PTPRT: variants seen among roughly 807,000 people sequenced by gnomAD.
PTPRT encodes the protein receptor-type tyrosine-protein phosphatase T.
PTPRT carries 56 observed loss-of-function variants against 176.8 expected under a neutral mutation model. That is an observed-to-expected ratio of 0.32 (90% CI 0.26 to 0.40). The LOEUF (loss-of-function observed/expected upper bound fraction) is 0.40, where lower values mean the gene tolerates loss of function less well. Ranked by LOEUF, PTPRT falls within the 10% of genes least tolerant of loss-of-function variation. The pLI is 1.00. For synonymous variants in PTPRT, 783 were observed against 739.0 expected (o/e 1.06, Z -0.96); for missense variants, 1,540 against 1,908.2 (o/e 0.81, Z 3.60).
chr20:43,154,932 C>T (rs541642047), intron 1 of PTPRT, among the ~76,000 whole-genome samples: 4 of 152,038 alleles, frequency 2.6e-5, no homozygotes, highest in Non-Finnish European at 5.9e-5. Context: ...TACAAATGGC[C>T]AACGGGTATA....
chr20:42,588,687 A>G (rs2145748866), intron 7 of PTPRT, among the ~76,000 whole-genome samples: 1 of 152,334 alleles, frequency 6.6e-6, no homozygotes, highest in East Asian at 1.9e-4. Context: ...TTTTAAAAAT[A>G]TAGCTACTAG....
At chr20:42,242,105 A>C (rs983889436) in intron 14 of PTPRT, among the ~76,000 whole-genome samples, 5 of 152,198 alleles carry the variant, frequency 3.3e-5, no homozygotes, top group African/African-American at 1.2e-4. Flanking sequence ...TTGTCTACCC[A>C]GAAACAAAAC....
intron 7 of PTPRT, among the ~76,000 whole-genome samples, chr20:42,528,488 A>G (rs567917374): frequency 6.6e-6 from 1 of 152,172 alleles, no homozygotes; most frequent in Non-Finnish European, 1.5e-5. Context: ...TCAATATTTC[A>G]TGTTAAAGAC....
Position 42,397,209 on chromosome 20 carries a change from C to A in PTPRT, c.1561-44924G>T, listed in dbSNP as rs1435850799. 2.6e-5 allele frequency among the ~76,000 whole-genome samples: 4 copies of A among 152,150 alleles called. No homozygotes were observed. The East Asian group carries it at 5.8e-4, about 22-fold the overall frequency. ...GTTTGGTGAATAAATGAAAATATTG[C>A]GTTAATTAAAATGCACACAGGTTAT... On this transcript the variant is annotated intron_variant, in intron 9 of 30. Transcript: ENST00000373187.
At chr20:42,516,081 A>G (rs1240480192) in intron 7 of PTPRT, among the ~76,000 whole-genome samples, 4 of 126,680 alleles carry the variant, frequency 3.2e-5, no homozygotes, top group Non-Finnish European at 6.4e-5. Context: ...AGGAGGGGGA[A>G]TATCACACTC....
intron 1 of PTPRT, among the ~76,000 whole-genome samples, chr20:43,014,444 T>A (rs953821646): frequency 4.6e-5 from 7 of 152,064 alleles, no homozygotes; most frequent in African/African-American, 1.7e-4. Context: ...CACACGCACA[T>A]CAAAATGGGT....
intron 2 of PTPRT, among the ~76,000 whole-genome samples, chr20:42,860,779 G>A (rs2078647340): frequency 6.6e-6 from 1 of 151,844 alleles, no homozygotes; most frequent in Admixed American, 6.6e-5. Flanking sequence ...TTTCTCTTGG[G>A]GTTTTGGTAG....
intron 6 of PTPRT, among the ~76,000 whole-genome samples, chr20:42,734,713 TAGC>T (rs1419208866): frequency 1.3e-5 from 2 of 152,234 alleles, no homozygotes; most frequent in African/African-American, 4.8e-5. Flanking sequence ...TGTTCTCAGT[TAGC>T]TCCAGGCTGT....
chr20:42,036,872 T>C, the PTPRT span, among the ~76,000 whole-genome samples: 1 of 152,056 alleles, frequency 6.6e-6, no homozygotes, highest in Non-Finnish European at 1.5e-5. Context: ...CAGAAAGAAG[T>C]TGTTGTTTCT....
chr20:42,982,729 G>T (rs1247359427), intron 1 of PTPRT, among the ~76,000 whole-genome samples: 3 of 152,126 alleles, frequency 2.0e-5, no homozygotes, highest in Non-Finnish European at 4.4e-5. Flanking sequence ...CCAGGTCCTT[G>T]ATGAGCAGCC....
chr20:42,107,179 C>T (rs1358026017), intron 23 of PTPRT, among the ~76,000 whole-genome samples: 1 of 152,210 alleles, frequency 6.6e-6, no homozygotes, highest in African/African-American at 2.4e-5. Flanking sequence ...CATGCTGGAG[C>T]TGCCTCATAG....
chr20:43,161,033 C>T (rs1166124635), intron 1 of PTPRT, among the ~76,000 whole-genome samples: 1 of 152,128 alleles, frequency 6.6e-6, no homozygotes, highest in East Asian at 1.9e-4. Context: ...GGATTACAGC[C>T]ATGAGCCACT....
chr20:42,047,944 T>C, the PTPRT span, among the ~76,000 whole-genome samples: 1 of 152,166 alleles, frequency 6.6e-6, no homozygotes, highest in South Asian at 2.1e-4. Context: ...CTCTGGAAAA[T>C]ATGGAGTGGG....
chr20:42,109,428 A>C (rs1379835937), intron 23 of PTPRT, among the ~76,000 whole-genome samples: 1 of 152,108 alleles, frequency 6.6e-6, no homozygotes, highest in Non-Finnish European at 1.5e-5. Context: ...ATTTGGGAGG[A>C]TTCAAAGACA....
chr20:43,094,276 C>T (rs1166646986), intron 1 of PTPRT, among the ~76,000 whole-genome samples: 1 of 149,416 alleles, frequency 6.7e-6, no homozygotes, highest in Non-Finnish European at 1.5e-5. Context: ...TTAGTAGAGA[C>T]GGGGTTTCAC....
intron 16 of PTPRT, among the ~76,000 whole-genome samples, chr20:42,163,806 T>C (rs1219999171): frequency 6.6e-6 from 1 of 152,234 alleles, no homozygotes; most frequent in Non-Finnish European, 1.5e-5. Flanking sequence ...ACTGTGAATG[T>C]GCAAGACCCT....
intron 4 of PTPRT, among the ~76,000 whole-genome samples, chr20:42,779,970 G>C (rs1230867563): frequency 6.6e-6 from 1 of 152,114 alleles, no homozygotes; most frequent in Non-Finnish European, 1.5e-5. Context: ...ATAATGGAGA[G>C]AGATTCAAAC....
At chr20:42,827,209 T>C (rs759313159) in intron 2 of PTPRT, among the ~76,000 whole-genome samples, 5 of 152,186 alleles carry the variant, frequency 3.3e-5, no homozygotes, top group Admixed American at 1.3e-4. Flanking sequence ...ATGGATCTGA[T>C]AGACCTCTAC....
At chr20:42,843,675 CA>C (rs1345035428) in intron 2 of PTPRT, among the ~76,000 whole-genome samples, 1 of 152,222 alleles carries the variant, frequency 6.6e-6, no homozygotes, top group African/African-American at 2.4e-5. Flanking sequence ...ATACAAAGAA[CA>C]GGGGCCATGC....
Sources: allele counts gnomAD v4.1 joint callset (sites outside exome capture counted in the v4.1 genomes callset), GRCh38; gene constraint gnomAD v4.1.1; transcripts MANE v1.5; gene names NCBI Gene and HGNC (gene_info 2026-07-23, HGNC 2026-07-21).